The following NUP58 variants were observed in gnomAD, a reference collection of about 807,000 sequenced individuals.
NUP58 encodes the protein nucleoporin p58/p45.
Under a neutral mutation model 70.1 loss-of-function variants are expected in NUP58, and 17 were observed. The observed-to-expected ratio is 0.24, with a 90% CI of 0.17 to 0.36. NUP58 has a LOEUF of 0.36. NUP58 is among the 10% of genes least tolerant of loss of function. The pLI is 1.00. For synonymous variants in NUP58, 275 were observed against 257.6 expected, an observed-to-expected ratio of 1.07 and a Z score of -0.65; for missense variants, 644 against 701.5, an observed-to-expected ratio of 0.92 and a Z score of 0.93.
downstream of NUP58, among the ~76,000 whole-genome samples, chr13:25,347,108 A>G (rs572549696): frequency 1.3e-5 from 2 of 152,300 alleles, no homozygotes; most frequent in Non-Finnish European, 2.9e-5. Context: ...AATATTTTAA[A>G]TAATTTTTTG....
intron 1 of NUP58, among the ~76,000 whole-genome samples, chr13:25,305,798 C>G (rs968955044): frequency 6.6e-6 from 1 of 152,072 alleles, no homozygotes; most frequent in Non-Finnish European, 1.5e-5. Context: ...TTGAGTATTT[C>G]TTTTCCTCCT....
At chr13:25,344,870 C>T (rs911822620), downstream of NUP58, among the ~76,000 whole-genome samples, 10 of 151,978 alleles carry the variant, frequency 6.6e-5, no homozygotes, top group African/African-American at 2.4e-4. Flanking sequence ...ATAGTAAATC[C>T]GAGTTAATGT....
intron 13 of NUP58, chr13:25,333,772 A>C: frequency 1.0e-6 from 1 of 985,352 alleles, no homozygotes; most frequent in African/African-American, 1.7e-5. Context: ...ACTTCTGTGA[A>C]ATCTTTGTTT....
intron 7 of NUP58, chr13:25,320,264 C>G (rs2031125151): frequency 3.6e-6 from 1 of 275,594 alleles, no homozygotes; most frequent in South Asian, 7.2e-5. Context: ...GACATTTAGT[C>G]ATATGCTTTT....
chr13:25,302,484 G>C (rs1042184276), intron 1 of NUP58, among the ~76,000 whole-genome samples: 4 of 152,180 alleles, frequency 2.6e-5, no homozygotes, highest in African/African-American at 7.2e-5. Flanking sequence ...AGAATGTTGT[G>C]TTGTAATAAC....
intron 12 of NUP58, 86 bp downstream of exon 12, chr13:25,327,598 C>T: frequency 2.7e-6 from 2 of 746,456 alleles, no homozygotes; most frequent in African/African-American, 1.8e-5. Context: ...ATGCTTGATA[C>T]AGAAATAGCT....
At chr13:25,313,776 G>A (rs776139773) in intron 5 of NUP58, 25 bp downstream of exon 5, 21 of 1,488,944 alleles carry the variant, frequency 1.4e-5, no homozygotes, top group Non-Finnish European at 1.6e-5. Flanking sequence ...TTATTCTCCA[G>A]AATAGTAAAT....
chr13:25,303,444 C>CT (rs66496714), intron 1 of NUP58, among the ~76,000 whole-genome samples: 18,855 of 146,742 alleles, frequency 0.13, 1,647 homozygotes, highest in South Asian at 0.33. Context: ...TTTTCTATTT[C>CT]TTTTTTTTTT....
chr13:25,321,488 A>G (rs1416524554), intron 9 of NUP58, among the ~76,000 whole-genome samples: 1 of 152,212 alleles, frequency 6.6e-6, no homozygotes, highest in African/African-American at 2.4e-5. Flanking sequence ...TGCTGGCTAA[A>G]TTGGCCTATT....
At chr13:25,307,466 G>C (rs534041332) in intron 1 of NUP58, among the ~76,000 whole-genome samples, 1 of 151,662 alleles carries the variant, frequency 6.6e-6, no homozygotes, top group African/African-American at 2.4e-5. Flanking sequence ...CACCTGCCTC[G>C]GCCTCCCAAA....
chr13:25,310,145 C>T (rs1008803438), intron 3 of NUP58: 10 of 193,678 alleles, frequency 5.2e-5, no homozygotes, highest in East Asian at 5.0e-4. Context: ...TGGGCTCAAG[C>T]GATCTTCTCT....
In NUP58 at chr13:25,331,465, G is replaced by C. The variant is rs777967279; in HGVS notation, c.1342G>C (p.Val448Leu). 5.6e-6 allele frequency: 9 copies of C among 1,614,180 alleles called. No individual in the cohort carries two copies. The East Asian group carries it at 2.0e-4, about 36-fold the overall frequency. Reference protein sequence around the residue: ...EAKKWQNTPRVTTGPTPFSTM... With the variant: ...EAKKWQNTPRLTTGPTPFSTM... ...CAAGAAGTGGCAGAACACACCCAGA[G>C]TTACTACTGGACCCACTCCTTTCAG... The change falls in exon 13 of 16, where the codon GTT (valine) becomes CTT (leucine). Residue 448 changes from valine (V) to leucine (L), a missense_variant. Coordinates refer to ENST00000381736, the MANE Select transcript of NUP58 (RefSeq NM_014089.4).
chr13:25,324,319 T>C (rs1191172576), intron 9 of NUP58, among the ~76,000 whole-genome samples: 1 of 152,128 alleles, frequency 6.6e-6, no homozygotes, highest in South Asian at 2.1e-4. Flanking sequence ...GTCGAAAATA[T>C]AGTGAAATGA....
Position 25,336,939 on chromosome 13 carries a change from C to T in NUP58, c.1439C>T (p.Pro480Leu). ...TTTTTTTTTTTTTTTATACCAGGGC[C>T]ACAGCCATCTCTGGGAGTTAGTTTT... ...LTQQQQPATG[P>L]QPSLGVSFGT... is the part of the protein sequence containing the mutation. The change falls in exon 14 of 16, where the codon CCA becomes CTA. Residue 480 changes from proline (P) to leucine (L), a missense_variant. Physicochemically the swap from Pro to Leu is moderately conservative, Grantham distance 98. This residue lies in a region of NUP58 where 132 missense variants were observed against 203.9 expected (regional missense o/e 0.65). Coordinates refer to ENST00000381736, the MANE Select transcript of NUP58 (RefSeq NM_014089.4). 1 of 1,576,740 alleles carries T rather than the reference C, an allele frequency of 6.3e-7. No homozygotes were observed. The highest frequency in any genetic ancestry group is 1.2e-5 in the South Asian group (1 of 85,176).
At chr13:25,316,110 A>G (rs2030917297) in intron 6 of NUP58, among the ~76,000 whole-genome samples, 1 of 152,076 alleles carries the variant, frequency 6.6e-6, no homozygotes, top group Non-Finnish European at 1.5e-5. Context: ...GCTTAAAGAG[A>G]GGGATATTTT....
intron 3 of NUP58, among the ~76,000 whole-genome samples, chr13:25,311,275 C>T (rs995708049): frequency 1.3e-5 from 2 of 152,076 alleles, no homozygotes; most frequent in South Asian, 2.1e-4. Flanking sequence ...ATATGTCGTG[C>T]CTTTAGACTC....
At chr13:25,326,349 T>TA (rs958586406) in intron 10 of NUP58, among the ~76,000 whole-genome samples, 4 of 152,114 alleles carry the variant, frequency 2.6e-5, no homozygotes, top group East Asian at 3.9e-4. Flanking sequence ...TTTTTTTTTT[T>TA]ATCTGTCTAG....
chr13:25,312,946 C>T lies in NUP58; in HGVS notation c.350C>T (p.Ala117Val). ...AGTTTAGGATTCAATAAACCTGCAG[C>T]ATCTGCCACACCATTTGCTCTACCT... ...GFSLGFNKPAASATPFALPIT... is the reference protein window; with the variant it reads ...GFSLGFNKPAVSATPFALPIT... Residue 117 changes from alanine to valine, a missense_variant, in exon 4 of 16, where the codon GCA becomes GTA. Coordinates refer to ENST00000381736, the MANE Select transcript of NUP58 (RefSeq NM_014089.4). The T allele has an allele frequency of 6.2e-7, 1 of 1,614,132 alleles. No individual in the cohort carries two copies. The highest frequency in any genetic ancestry group is 1.1e-5 in the South Asian group (1 of 91,076).
intron 11 of NUP58, 114 bp downstream of exon 11, chr13:25,327,148 A>C: frequency 1.6e-6 from 1 of 635,666 alleles, no homozygotes; most frequent in Non-Finnish European, 2.8e-6. Flanking sequence ...AAATTTCCTT[A>C]AAAGTCATTT....
Sources: gnomAD v4.1 joint callset for allele counts (sites outside exome capture counted in the v4.1 genomes callset) on GRCh38, gnomAD v4.1.1 for gene constraint, gnomAD v4.1.1 regional missense constraint, MANE v1.5 for transcripts, NCBI Gene and HGNC (gene_info 2026-07-23, HGNC 2026-07-21) for gene names.